The following TMEM38B variants were observed in gnomAD, a reference collection of about 807,000 sequenced individuals.
The protein encoded by TMEM38B is trimeric intracellular cation channel type B.
TMEM38B carries 24 observed loss-of-function variants against 28.7 expected under a neutral mutation model. The ratio of observed to expected loss-of-function variants is 0.84; its 90% CI spans 0.61 to 1.18. The LOEUF is 1.18. TMEM38B is among the 50% of genes most tolerant of loss of function. TMEM38B has a pLI of 0.00. For synonymous variants in TMEM38B, 131 were observed against 127.7 expected (o/e 1.03, Z -0.17); for missense variants, 380 against 350.9 (o/e 1.08, Z -0.66).
At chr9:105,744,325 T>G (rs1385285893) in intron 4 of TMEM38B, among the ~76,000 whole-genome samples, 1 of 151,982 alleles carries the variant, frequency 6.6e-6, no homozygotes, top group Non-Finnish European at 1.5e-5. Context: ...TTCTTTCAGT[T>G]GAATATGAGG....
chr9:105,727,109 A>G (rs576256788), intron 4 of TMEM38B, among the ~76,000 whole-genome samples: 37 of 152,282 alleles, frequency 2.4e-4, no homozygotes, highest in Non-Finnish European at 4.6e-4. Flanking sequence ...AAAATCCTGA[A>G]TACATTACAC....
chr9:105,758,902 T>C (rs1837931664), intron 5 of TMEM38B: 1 of 1,213,524 alleles, frequency 8.2e-7, no homozygotes, highest in African/African-American at 1.5e-5. Flanking sequence ...TGGAGATATG[T>C]TATTCTGATC....
intron 5 of TMEM38B, chr9:105,758,589 A>G: frequency 9.9e-7 from 1 of 1,009,084 alleles, no homozygotes. Context: ...TGAAGATATC[A>G]AAGGCAGGTG....
chr9:105,718,361 C>T (rs971775064), intron 2 of TMEM38B, among the ~76,000 whole-genome samples: 4 of 151,984 alleles, frequency 2.6e-5, no homozygotes, highest in Non-Finnish European at 4.4e-5. Flanking sequence ...GCCTCAGCCT[C>T]CCAAGTAGCT....
intron 4 of TMEM38B, among the ~76,000 whole-genome samples, chr9:105,723,984 T>G (rs894947775): frequency 6.6e-6 from 1 of 152,130 alleles, no homozygotes; most frequent in Admixed American, 6.5e-5. Context: ...TTTGGGCGTG[T>G]GCCACCATGC....
chr9:105,773,343 A>C (rs1273944472), intron 5 of TMEM38B, among the ~76,000 whole-genome samples: 1 of 152,170 alleles, frequency 6.6e-6, no homozygotes, highest in Non-Finnish European at 1.5e-5. Context: ...CTGTGACTTT[A>C]GATGATGATA....
chr9:105,698,116 A>AT (rs61494079), intron 1 of TMEM38B, among the ~76,000 whole-genome samples: 57,928 of 144,748 alleles, frequency 0.4, 12,034 homozygotes, highest in African/African-American at 0.56. Context: ...TTAGCGTCCC[A>AT]TTTTTTTTTT....
chr9:105,694,767 A>T lies in TMEM38B; in HGVS notation c.107A>T (p.Gln36Leu). The T allele has an allele frequency of 7.1e-7, 1 of 1,400,640 alleles. No individual in the cohort carries two copies. The highest frequency in any genetic ancestry group is 9.5e-7 in the Non-Finnish European group (1 of 1,048,024). 86.8% of individuals were successfully genotyped at this position (1,400,640 alleles called of 1,614,324 possible). Reference protein sequence around the residue: ...YLVSVMAVKRQPGAAALAWKN... With the variant: ...YLVSVMAVKRLPGAAALAWKN... The stretch of plus-strand genomic sequence containing the variant: ...GTGTCAGTGATGGCGGTGAAACGTC[A>T]GCCGGGTGAGTGCGGGGCGCCGCGG... Residue 36 changes from glutamine (Q) to leucine (L), a missense_variant, in exon 1 of 6, where the codon CAG becomes CTG. Physicochemically the swap from Gln to Leu is moderately radical, Grantham distance 113. Transcript: ENST00000374692.
intron 5 of TMEM38B, among the ~76,000 whole-genome samples, chr9:105,767,399 C>T (rs937627225): frequency 1.5e-4 from 23 of 152,196 alleles, no homozygotes; most frequent in African/African-American, 5.5e-4. Flanking sequence ...ACTTTATTTT[C>T]TCAATATTTC....
At chr9:105,703,854 A>G (rs1564384891) in intron 1 of TMEM38B, among the ~76,000 whole-genome samples, 1 of 152,040 alleles carries the variant, frequency 6.6e-6, no homozygotes, top group South Asian at 2.1e-4. Context: ...TTCTTTTGAG[A>G]AGTGTCTGTT....
chr9:105,763,743 C>T (rs1264635134), intron 5 of TMEM38B, among the ~76,000 whole-genome samples: 1 of 152,122 alleles, frequency 6.6e-6, no homozygotes, highest in Non-Finnish European at 1.5e-5. Context: ...AGGCCAGCAT[C>T]ATCCTGATAC....
intron 2 of TMEM38B, among the ~76,000 whole-genome samples, chr9:105,719,036 A>G (rs1836219815): frequency 6.6e-6 from 1 of 152,194 alleles, no homozygotes; most frequent in Admixed American, 6.5e-5. Flanking sequence ...TAGTTAAGTG[A>G]TACTGTCTTC....
intron 5 of TMEM38B, among the ~76,000 whole-genome samples, chr9:105,763,301 G>T (rs1488228759): frequency 6.6e-6 from 1 of 152,156 alleles, no homozygotes; most frequent in Admixed American, 6.6e-5. Context: ...GGTTGCCATT[G>T]CTTTTGGTGT....
chr9:105,759,788 C>T (rs1837967818), intron 5 of TMEM38B: 9 of 1,608,970 alleles, frequency 5.6e-6, no homozygotes, highest in African/African-American at 1.3e-5. Flanking sequence ...ACTTTGACTG[C>T]TCAAGACCAA....
intron 4 of TMEM38B, among the ~76,000 whole-genome samples, chr9:105,744,452 A>C (rs139018692): frequency 1.3e-5 from 2 of 152,108 alleles, no homozygotes; most frequent in African/African-American, 4.8e-5. Context: ...AGCACTGTCT[A>C]CGTATCCAAG....
chr9:105,772,630 C>T (rs1826589461), intron 5 of TMEM38B, among the ~76,000 whole-genome samples: 1 of 151,984 alleles, frequency 6.6e-6, no homozygotes, highest in South Asian at 2.1e-4. Flanking sequence ...TTAATCATGA[C>T]TGGCCTGAAG....
At position 105,741,497 on chromosome 9, in the gene TMEM38B, A is replaced by G. The variant is rs1187858266; in HGVS notation, c.543-6576A>G. Among the ~76,000 whole-genome samples the G allele has an allele frequency of 2.0e-5, 3 of 152,224 alleles. No homozygotes were observed. The East Asian group carries it at 5.8e-4, about 29-fold the overall frequency. On this transcript the variant is annotated intron_variant, in intron 4 of 5. Transcript: ENST00000374692. ...ATAAGCAAAATGTACATGTAGGAAT[A>G]TTGTTAAAGGTGCTGGTGAAGACTT...
rs1835210975 is a variant in TMEM38B at position 105,694,652 on chromosome 9, G to T, written c.-9G>T. ...GCGGCTGCTTCGGTTGCCGCGGTCGGTGGTCGTTATGGATTCTCCATGGGA... is the reference window on the plus strand; with the variant it reads ...GCGGCTGCTTCGGTTGCCGCGGTCGTTGGTCGTTATGGATTCTCCATGGGA... On this transcript the variant is annotated 5_prime_UTR_variant, in exon 1 of 6. Coordinates refer to ENST00000374692, the MANE Select transcript of TMEM38B (RefSeq NM_018112.3). 6.2e-7 allele frequency: 1 copy of T among 1,611,970 alleles called. No homozygotes were observed. The highest frequency in any genetic ancestry group is 8.5e-7 in the Non-Finnish European group (1 of 1,178,448).
At position 105,721,669 on chromosome 9, in the gene TMEM38B, T is replaced by C. The variant is rs746436735; in HGVS notation, c.402T>C (p.Asn134=). 1.1e-5 allele frequency: 18 copies of C among 1,613,514 alleles called. 1 individual carries two copies. In the South Asian group the frequency reaches 2.0e-4, roughly 18 times the overall value. ...TAGTAGGTGGAGTCACACATGCTAA[T>C]AGCTATTACAAAAATGGCTGGATAG... The part of the protein sequence containing the change: ...WKIVGGVTHA[N]SYYKNGWIVM... The change falls in exon 3 of 6, where the codon AAT becomes AAC. Residue 134 remains asparagine, a synonymous_variant. Transcript: ENST00000374692.
Sources: allele counts gnomAD v4.1 joint callset (sites outside exome capture counted in the v4.1 genomes callset), GRCh38; gene constraint gnomAD v4.1.1; transcripts MANE v1.5; gene names NCBI Gene and HGNC (gene_info 2026-07-23, HGNC 2026-07-21).